PRKN: variants seen among roughly 807,000 people sequenced by gnomAD.
The protein encoded by PRKN is E3 ubiquitin-protein ligase parkin.
In PRKN, 56 loss-of-function variants were observed where a neutral mutation model predicts 59.5. The observed-to-expected ratio is 0.94, with a 90% CI of 0.76 to 1.18. The LOEUF (loss-of-function observed/expected upper bound fraction) is 1.18, where lower values mean the gene tolerates loss of function less well. Among genes scored for constraint, PRKN ranks in the 50% most tolerant of loss-of-function variants. The pLI is 0.00. For synonymous variants in PRKN, 250 were observed against 222.1 expected (o/e 1.13, Z -1.12); for missense variants, 657 against 596.4 (o/e 1.10, Z -1.06).
At chr6:162,465,371 T>C (rs1414376527) in intron 1 of PRKN, among the ~76,000 whole-genome samples, 1 of 152,204 alleles carries the variant, frequency 6.6e-6, no homozygotes, top group Non-Finnish European at 1.5e-5. Context: ...CTTTCAGCTT[T>C]ACCAAATTTT....
intron 1 of PRKN, chr6:162,568,710 A>T: frequency 1.3e-6 from 1 of 785,384 alleles, no homozygotes; most frequent in Admixed American, 1.7e-5. Flanking sequence ...GATGGCTTGG[A>T]GCAACATGGG....
chr6:162,677,438 T>C (rs1271699215), intron 1 of PRKN, among the ~76,000 whole-genome samples: 1 of 132,010 alleles, frequency 7.6e-6, no homozygotes, highest in Non-Finnish European at 1.5e-5. Context: ...CTATATCCAT[T>C]AGTCCCCACC....
chr6:162,619,897 CA>C (rs1408371946), intron 1 of PRKN, among the ~76,000 whole-genome samples: 1 of 152,100 alleles, frequency 6.6e-6, no homozygotes, highest in Non-Finnish European at 1.5e-5. Flanking sequence ...ACATATTCTA[CA>C]ATGCACTTTA....
At chr6:161,885,510 A>T (rs1011771520) in intron 6 of PRKN, among the ~76,000 whole-genome samples, 5 of 151,870 alleles carry the variant, frequency 3.3e-5, no homozygotes, top group African/African-American at 1.2e-4. Flanking sequence ...TAAAAATACA[A>T]AAAAATTAGC....
chr6:161,655,674 T>C (rs1374920014), intron 7 of PRKN, among the ~76,000 whole-genome samples: 1 of 151,808 alleles, frequency 6.6e-6, no homozygotes, highest in South Asian at 2.1e-4. Context: ...TCAAAAAGAG[T>C]CTAGGTTTTA....
chr6:162,596,327 A>G (rs1344252069), intron 1 of PRKN, among the ~76,000 whole-genome samples: 1 of 152,200 alleles, frequency 6.6e-6, no homozygotes, highest in Admixed American at 6.5e-5. Context: ...TCAATACTTT[A>G]AAGGTAGGCT....
chr6:162,658,713 A>AG (rs1291943937), intron 1 of PRKN, among the ~76,000 whole-genome samples: 18 of 151,586 alleles, frequency 1.2e-4, no homozygotes, highest in Non-Finnish European at 2.7e-4. Context: ...AGAAAACAAA[A>AG]GAAAAAAAAA....
chr6:162,718,196 G>A (rs1056311693), intron 1 of PRKN, among the ~76,000 whole-genome samples: 39 of 52,512 alleles, frequency 7.4e-4, no homozygotes, highest in Admixed American at 2.7e-3. Flanking sequence ...ACTGTTTTAA[G>A]ACAAAAAAAA....
At chr6:162,598,268 G>A (rs1258473063) in intron 1 of PRKN, among the ~76,000 whole-genome samples, 4 of 152,000 alleles carry the variant, frequency 2.6e-5, no homozygotes, top group African/African-American at 4.8e-5. Context: ...CTATGCAATC[G>A]TTTTTATTTC....
At chr6:162,353,889 T>C (rs1784729970) in intron 2 of PRKN, among the ~76,000 whole-genome samples, 2 of 152,204 alleles carry the variant, frequency 1.3e-5, no homozygotes, top group Non-Finnish European at 2.9e-5. Context: ...ATGTACAGTT[T>C]TTAATATGCA....
At chr6:162,341,073 GAAA>G (rs896633629) in intron 2 of PRKN, among the ~76,000 whole-genome samples, 2 of 148,920 alleles carry the variant, frequency 1.3e-5, no homozygotes, top group African/African-American at 4.9e-5. Context: ...ATTTACAAGG[GAAA>G]AAAAAACATC....
intron 3 of PRKN, among the ~76,000 whole-genome samples, chr6:162,255,983 A>C (rs868321824): frequency 2.0e-5 from 3 of 152,184 alleles, no homozygotes; most frequent in African/African-American, 4.8e-5. Flanking sequence ...TATCATGCAC[A>C]GAAAAGATTG....
intron 1 of PRKN, among the ~76,000 whole-genome samples, chr6:162,473,728 C>T (rs1316653148): frequency 2.0e-5 from 3 of 152,008 alleles, no homozygotes; most frequent in Non-Finnish European, 4.4e-5. Flanking sequence ...TTGGGACTGT[C>T]CATATGTGGC....
intron 6 of PRKN, among the ~76,000 whole-genome samples, chr6:161,826,529 G>A (rs1464088141): frequency 6.6e-6 from 1 of 152,126 alleles, no homozygotes; most frequent in East Asian, 1.9e-4. Flanking sequence ...TCTATTTGTG[G>A]ACGTCTGCAC....
At chr6:161,666,102 T>C (rs1442881022) in intron 7 of PRKN, among the ~76,000 whole-genome samples, 1 of 152,156 alleles carries the variant, frequency 6.6e-6, no homozygotes, top group Non-Finnish European at 1.5e-5. Flanking sequence ...TGTTTCTTCA[T>C]CACTAAGATC....
intron 2 of PRKN, among the ~76,000 whole-genome samples, chr6:162,349,834 G>T (rs2128130706): frequency 6.6e-6 from 1 of 152,220 alleles, no homozygotes; most frequent in Non-Finnish European, 1.5e-5. Flanking sequence ...ACATTGTACT[G>T]GAGGTTTTAG....
intron 6 of PRKN, among the ~76,000 whole-genome samples, chr6:161,833,888 A>G (rs1437119317): frequency 6.6e-6 from 1 of 152,174 alleles, no homozygotes; most frequent in Non-Finnish European, 1.5e-5. Flanking sequence ...TAGATTATAC[A>G]TGTAGTTTTG....
intron 1 of PRKN, among the ~76,000 whole-genome samples, chr6:162,599,162 G>A (rs1322982422): frequency 6.6e-6 from 1 of 152,140 alleles, no homozygotes; most frequent in Non-Finnish European, 1.5e-5. Context: ...CTGGCTCGGT[G>A]ATAAGAAGCA....
intron 1 of PRKN, among the ~76,000 whole-genome samples, chr6:162,720,229 T>A (rs1038942218): frequency 4.9e-4 from 75 of 152,252 alleles, no homozygotes; most frequent in Admixed American, 1.6e-3. Context: ...AATCACCAAT[T>A]TTCCCCCTCA....
Sources: gnomAD v4.1 joint callset for allele counts (sites outside exome capture counted in the v4.1 genomes callset) on GRCh38, gnomAD v4.1.1 for gene constraint, MANE v1.5 for transcripts, NCBI Gene and HGNC (gene_info 2026-07-23, HGNC 2026-07-21) for gene names.